The following RBFOX1 variants were observed in gnomAD, a reference collection of about 807,000 sequenced individuals.
RBFOX1 encodes RNA binding fox-1 homolog 1.
Under a neutral mutation model 57.7 loss-of-function variants are expected in RBFOX1, and 8 were observed. The observed-to-expected ratio is 0.14, with a 90% confidence interval of 0.08 to 0.25. The LOEUF is 0.25. RBFOX1 is among the 10% of genes least tolerant of loss of function. The pLI, the probability that RBFOX1 is intolerant of heterozygous loss-of-function variation, is 1.00. For missense variants in RBFOX1, 611 were observed against 548.5 expected (o/e 1.11, Z -1.14); for synonymous variants, 326 against 222.4 (o/e 1.47, Z -4.15).
intron 1 of RBFOX1, among the ~76,000 whole-genome samples, chr16:5,354,227 T>C (rs943284534): frequency 6.6e-6 from 1 of 152,198 alleles, no homozygotes; most frequent in Non-Finnish European, 1.5e-5. Flanking sequence ...CACTAGTGGG[T>C]GAGTCTCTCT....
chr16:6,974,495 C>T (rs1465984694), intron 3 of RBFOX1, among the ~76,000 whole-genome samples: 1 of 151,750 alleles, frequency 6.6e-6, no homozygotes, highest in Non-Finnish European at 1.5e-5. Flanking sequence ...CAGGTGCGTG[C>T]CACCACGCCC....
At chr16:6,233,111 A>C (rs548668096) in intron 1 of RBFOX1, among the ~76,000 whole-genome samples, 1 of 152,268 alleles carries the variant, frequency 6.6e-6, no homozygotes, top group South Asian at 2.1e-4. Context: ...TGGGTGAGAT[A>C]GAGAGAGATG....
intron 1 of RBFOX1, among the ~76,000 whole-genome samples, chr16:6,154,087 A>C (rs1407483834): frequency 6.6e-6 from 1 of 152,204 alleles, no homozygotes; most frequent in African/African-American, 2.4e-5. Flanking sequence ...GGTGATTCAC[A>C]CAGGAAGGGT....
intron 2 of RBFOX1, among the ~76,000 whole-genome samples, chr16:6,532,619 C>T (rs769271418): frequency 7.9e-5 from 12 of 152,144 alleles, no homozygotes; most frequent in Non-Finnish European, 1.2e-4. Context: ...TGCTCTACTT[C>T]CTGGTGATCG....
At chr16:7,257,722 C>A (rs1279903055) in intron 4 of RBFOX1, among the ~76,000 whole-genome samples, 1 of 152,172 alleles carries the variant, frequency 6.6e-6, no homozygotes, top group South Asian at 2.1e-4. Flanking sequence ...TTGCTCTGTT[C>A]TGCATAGATG....
chr16:5,322,911 G>A (rs932935202), intron 1 of RBFOX1, among the ~76,000 whole-genome samples: 2 of 152,164 alleles, frequency 1.3e-5, no homozygotes, highest in South Asian at 2.1e-4. Context: ...GCATGAATGG[G>A]TGGTTTTGTC....
intron 3 of RBFOX1, among the ~76,000 whole-genome samples, chr16:5,762,199 G>A (rs2053617191): frequency 6.6e-6 from 1 of 152,148 alleles, no homozygotes; most frequent in Admixed American, 6.5e-5. Context: ...TAATTAAGAT[G>A]TATAGTTGAA....
chr16:6,686,338 C>T (rs1568212249), intron 3 of RBFOX1, among the ~76,000 whole-genome samples: 1 of 152,106 alleles, frequency 6.6e-6, no homozygotes, highest in Non-Finnish European at 1.5e-5. Flanking sequence ...AGCCCTCGCC[C>T]CTCCTCCTTT....
chr16:7,494,241 C>T (rs1029853909), intron 4 of RBFOX1, among the ~76,000 whole-genome samples: 5 of 152,162 alleles, frequency 3.3e-5, no homozygotes, highest in Non-Finnish European at 7.3e-5. Flanking sequence ...CTTGCTGAAG[C>T]ACAGGCAAGC....
intron 2 of RBFOX1, among the ~76,000 whole-genome samples, chr16:6,602,475 GGA>G (rs1277089053): frequency 6.6e-6 from 1 of 152,152 alleles, no homozygotes; most frequent in African/African-American, 2.4e-5. Flanking sequence ...CCAGCTGGAA[GGA>G]GAGAGGATCA....
At chr16:5,491,348 T>G (rs983100387) in intron 2 of RBFOX1, among the ~76,000 whole-genome samples, 7 of 152,172 alleles carry the variant, frequency 4.6e-5, no homozygotes, top group African/African-American at 1.7e-4. Context: ...CGCCAAAGGT[T>G]AATTTTGCCT....
chr16:5,738,635 G>GA (rs61011633), intron 3 of RBFOX1, among the ~76,000 whole-genome samples: 2,546 of 61,012 alleles, frequency 0.042, 89 homozygotes, highest in East Asian at 0.12. Context: ...CTCTGTCTCA[G>GA]AAAAAAAAAA....
In RBFOX1 at chr16:5,352,711, G is replaced by A. The variant is rs548813952; in HGVS notation, c.219+112606G>A. On this transcript the variant is annotated intron_variant, in intron 1 of 2. Coordinates refer to the RBFOX1 transcript ENST00000585867. ...TAATTCCAGCACTTTGGGAGGCCAAGGTGGGGGGATTGCTTGAGCCCAGGA... is the reference window on the plus strand; with the variant it reads ...TAATTCCAGCACTTTGGGAGGCCAAAGTGGGGGGATTGCTTGAGCCCAGGA... Among the ~76,000 whole-genome samples the A allele has an allele frequency of 2.0e-5, 3 of 152,332 alleles. No individual in the cohort carries two copies. The South Asian group carries it at 6.2e-4, about 32-fold the overall frequency.
At chr16:7,286,334 G>T (rs2141349008) in intron 4 of RBFOX1, among the ~76,000 whole-genome samples, 1 of 152,168 alleles carries the variant, frequency 6.6e-6, no homozygotes, top group South Asian at 2.1e-4. Flanking sequence ...GGCTTTGCAG[G>T]ATCCCAAGGG....
At chr16:7,300,018 T>G (rs749205310) in intron 4 of RBFOX1, among the ~76,000 whole-genome samples, 4 of 152,206 alleles carry the variant, frequency 2.6e-5, no homozygotes, top group Non-Finnish European at 5.9e-5. Context: ...AGGAGCGGGA[T>G]GCAAGAGGGG....
At chr16:6,974,916 A>G (rs1466219736) in intron 3 of RBFOX1, among the ~76,000 whole-genome samples, 1 of 151,788 alleles carries the variant, frequency 6.6e-6, no homozygotes, top group Non-Finnish European at 1.5e-5. Flanking sequence ...CATGTCCTGG[A>G]CCCTCCCTCT....
chr16:6,467,065 T>C (rs1220993311), intron 2 of RBFOX1, among the ~76,000 whole-genome samples: 1 of 151,094 alleles, frequency 6.6e-6, no homozygotes, highest in Non-Finnish European at 1.5e-5. Context: ...TATGGGATTT[T>C]ATTTAATATA....
At chr16:5,656,234 G>C (rs1366274493) in intron 3 of RBFOX1, among the ~76,000 whole-genome samples, 2 of 152,118 alleles carry the variant, frequency 1.3e-5, no homozygotes, top group African/African-American at 2.4e-5. Flanking sequence ...ATTTTATAAA[G>C]TGTGAACAGT....
intron 3 of RBFOX1, among the ~76,000 whole-genome samples, chr16:6,799,848 C>T (rs967705426): frequency 1.3e-5 from 2 of 152,146 alleles, no homozygotes; most frequent in Non-Finnish European, 2.9e-5. Flanking sequence ...GCGCTGTCAG[C>T]TTCCCTGCTT....
Sources: allele counts gnomAD v4.1 joint callset (sites outside exome capture counted in the v4.1 genomes callset), GRCh38; gene constraint gnomAD v4.1.1; transcripts MANE v1.5; gene names NCBI Gene and HGNC (gene_info 2026-07-23, HGNC 2026-07-21).